CENPP: variants seen among roughly 807,000 people sequenced by gnomAD.
CENPP encodes centromere protein P.
In CENPP, 24 loss-of-function variants were observed where a neutral mutation model predicts 35.6. The observed-to-expected ratio is 0.67, with a 90% CI of 0.49 to 0.95. CENPP has a LOEUF of 0.95. Among genes scored for constraint, CENPP ranks in the 40% least tolerant of loss-of-function variants. The pLI is 0.00. For synonymous variants in CENPP, 120 were observed against 125.5 expected, an observed-to-expected ratio of 0.96 and a Z score of 0.29; for missense variants, 332 against 345.3, an observed-to-expected ratio of 0.96 and a Z score of 0.31.
At chr9:92,379,722 T>C in intron 4 of CENPP, 41 bp from the exon 5 acceptor site, 1 of 1,416,382 alleles carries the variant, frequency 7.1e-7, no homozygotes, top group Non-Finnish European at 1.0e-6. Context: ...GGTCTATCAT[T>C]TAATGATATT....
chr9:92,328,347 G>A (rs181096643), intron 1 of CENPP, among the ~76,000 whole-genome samples: 1 of 152,210 alleles, frequency 6.6e-6, no homozygotes, highest in African/African-American at 2.4e-5. Context: ...ATGGATTGGA[G>A]GTAGGAAAAT....
chr9:92,468,087 C>T (rs1047349177), intron 5 of CENPP, among the ~76,000 whole-genome samples: 1 of 152,138 alleles, frequency 6.6e-6, no homozygotes, highest in Non-Finnish European at 1.5e-5. Flanking sequence ...CTTGCCTATG[C>T]CATGCAACAA....
intron 4 of CENPP, 116 bp downstream of exon 4, chr9:92,345,903 A>G (rs1471443001): frequency 1.6e-6 from 1 of 627,368 alleles, no homozygotes; most frequent in African/African-American, 1.8e-5. Context: ...TGAAAGTATA[A>G]CACCACTGTT....
chr9:92,467,426 G>A (rs1177346073), intron 5 of CENPP, among the ~76,000 whole-genome samples: 1 of 152,202 alleles, frequency 6.6e-6, no homozygotes. Context: ...TGCAAAATGA[G>A]CATAGCTCAG....
intron 5 of CENPP, among the ~76,000 whole-genome samples, chr9:92,392,161 A>G (rs1842711903): frequency 6.6e-6 from 1 of 152,154 alleles, no homozygotes; most frequent in South Asian, 2.1e-4. Context: ...GTTTGCTAGA[A>G]GTTCAAGATT....
chr9:92,404,150 C>T (rs933384211), intron 5 of CENPP, among the ~76,000 whole-genome samples: 1 of 152,070 alleles, frequency 6.6e-6, no homozygotes, highest in Middle Eastern at 3.2e-3. Context: ...TTCCTTTAGG[C>T]TCATCAATGG....
At position 92,593,093 on chromosome 9, in the gene CENPP, G is replaced by A. The variant is rs1390964930; in HGVS notation, c.565-18221G>A. 1.3e-5 allele frequency among the ~76,000 whole-genome samples: 2 copies of A among 152,214 alleles called. No homozygotes were observed. The highest frequency in any genetic ancestry group is 2.9e-5 in the Non-Finnish European group (2 of 68,038). On this transcript the variant is annotated intron_variant, in intron 5 of 7. Transcript: ENST00000375587. This position sits in a 1 kb window ranked among gnomAD's most constrained non-coding sequence, Gnocchi z 4.1. ...CTCCCACTGTGTGAGCCTCCCAGCA[G>A]CCCTGGCATCATCTGCCCTAAGCAT...
chr9:92,396,590 A>T (rs1228387033), intron 5 of CENPP, among the ~76,000 whole-genome samples: 1 of 148,148 alleles, frequency 6.8e-6, no homozygotes, highest in Non-Finnish European at 1.5e-5. Flanking sequence ...TTGAGACAAG[A>T]TCTCATGCTG....
rs1467104926 is a variant in CENPP at position 92,619,874 on chromosome 9, C to T, written c.*6725C>T. ...CTGTCTTCAGCAAGGTCACCACAGT[C>T]GGCCTTTGGAAGGAAAAGCAGTAAG... On this transcript the variant is annotated 3_prime_UTR_variant, in exon 8 of 8. Transcript: ENST00000375587. 1.8e-5 allele frequency: 7 copies of T among 390,698 alleles called. No homozygotes were observed. The highest frequency in any genetic ancestry group is 1.8e-4 in the East Asian group (4 of 22,444). 24.2% of individuals were successfully genotyped at this position (390,698 alleles called of 1,614,324 possible). A position where few individuals can be genotyped will look rare whatever the true frequency, so the allele number is the denominator to read the frequency against.
At chr9:92,370,477 GT>G (rs757491339) in intron 4 of CENPP, among the ~76,000 whole-genome samples, 1 of 150,824 alleles carries the variant, frequency 6.6e-6, no homozygotes, top group Non-Finnish European at 1.5e-5. Context: ...ACTTTTTATT[GT>G]TTTTTTGTTG....
chr9:92,558,858 C>T (rs1239745034), intron 5 of CENPP, among the ~76,000 whole-genome samples: 1 of 151,992 alleles, frequency 6.6e-6, no homozygotes, highest in Non-Finnish European at 1.5e-5. Context: ...GAGTTGTATA[C>T]CTAGGAGGAT....
intron 4 of CENPP, among the ~76,000 whole-genome samples, chr9:92,356,763 A>G (rs1213308467): frequency 6.6e-6 from 1 of 152,146 alleles, no homozygotes; most frequent in African/African-American, 2.4e-5. Flanking sequence ...ATTTATGTTC[A>G]GAGATTAAAG....
At chr9:92,413,557 A>G (rs190885374) in intron 5 of CENPP, among the ~76,000 whole-genome samples, 3 of 152,290 alleles carry the variant, frequency 2.0e-5, no homozygotes, top group Non-Finnish European at 4.4e-5. Context: ...TTTTCCACGT[A>G]TTAACTCTTA....
intron 5 of CENPP, among the ~76,000 whole-genome samples, chr9:92,567,226 G>A (rs1400911687): frequency 6.6e-6 from 1 of 151,742 alleles, no homozygotes; most frequent in Non-Finnish European, 1.5e-5. Flanking sequence ...ATCTCAATAA[G>A]GCAAATAGAG....
intron 5 of CENPP, among the ~76,000 whole-genome samples, chr9:92,497,317 C>T (rs986617745): frequency 6.6e-6 from 1 of 152,050 alleles, no homozygotes; most frequent in Non-Finnish European, 1.5e-5. Flanking sequence ...GAGTGATATA[C>T]TGATACTTTT....
At chr9:92,339,749 G>C (rs1274826274) in intron 3 of CENPP, 1 of 153,700 alleles carries the variant, frequency 6.5e-6, no homozygotes, top group Non-Finnish European at 1.5e-5. Flanking sequence ...AAGATCATTT[G>C]CTGAAGACTC....
rs1851505634 is a variant in CENPP, at chr9:92,618,227, G to A, written c.*5078G>A. On this transcript the variant is annotated 3_prime_UTR_variant, in exon 8 of 8. Coordinates refer to ENST00000375587, the MANE Select transcript of CENPP (RefSeq NM_001012267.3). The stretch of plus-strand genomic sequence containing the variant: ...GAGAAAGGCCTGGCTAGAGTGCTTT[G>A]TGCAGGATGGTTCCAGTGCCTACAC... 2 of 456,530 alleles carry A rather than the reference G, an allele frequency of 4.4e-6. No homozygotes were observed. The highest frequency in any genetic ancestry group is 2.0e-5 in the African/African-American group (1 of 50,048). 28.3% of individuals were successfully genotyped at this position (456,530 alleles called of 1,614,324 possible).
intron 5 of CENPP, chr9:92,470,926 C>A: frequency 1.7e-6 from 1 of 577,372 alleles, no homozygotes; most frequent in Non-Finnish European, 2.9e-6. Context: ...ACAAAAAAAA[C>A]ATTGTTTTGG....
chr9:92,573,931 T>G (rs1850215898), intron 5 of CENPP, among the ~76,000 whole-genome samples: 1 of 152,204 alleles, frequency 6.6e-6, no homozygotes, highest in African/African-American at 2.4e-5. Flanking sequence ...GTGTGCCGTT[T>G]GCTAAGACCG....
Sources: gnomAD v4.1 joint callset for allele counts (sites outside exome capture counted in the v4.1 genomes callset) on GRCh38, gnomAD v4.1.1 for gene constraint, Gnocchi (gnomAD v3.1) non-coding constraint, MANE v1.5 for transcripts, NCBI Gene and HGNC (gene_info 2026-07-23, HGNC 2026-07-21) for gene names.